The following RBFOX1 variants were observed in gnomAD, a reference collection of about 807,000 sequenced individuals.
RBFOX1 encodes the protein RNA binding protein fox-1 homolog 1.
RBFOX1 carries 8 observed loss-of-function variants against 57.7 expected under a neutral mutation model. The ratio of observed to expected loss-of-function variants is 0.14; its 90% confidence interval spans 0.08 to 0.25. The LOEUF is 0.25. RBFOX1 is among the 10% of genes least tolerant of loss of function. RBFOX1 has a pLI of 1.00. For synonymous variants in RBFOX1, 326 were observed against 222.4 expected, an observed-to-expected ratio of 1.47 and a Z score of -4.15; for missense variants, 611 against 548.5, an observed-to-expected ratio of 1.11 and a Z score of -1.14.
At chr16:7,681,918 G>A (rs1461231651) in intron 14 of RBFOX1, among the ~76,000 whole-genome samples, 1 of 152,122 alleles carries the variant, frequency 6.6e-6, no homozygotes, top group Non-Finnish European at 1.5e-5. Flanking sequence ...TCTTTGTGAT[G>A]TGTGGCAAGG....
At chr16:5,862,490 A>T (rs561895451) in intron 3 of RBFOX1, among the ~76,000 whole-genome samples, 1 of 152,216 alleles carries the variant, frequency 6.6e-6, no homozygotes, top group South Asian at 2.1e-4. Context: ...ACCTGCATCA[A>T]TCAGTGAGAG....
intron 3 of RBFOX1, among the ~76,000 whole-genome samples, chr16:6,989,005 C>T (rs56250811): frequency 0.039 from 5,858 of 152,060 alleles, 391 homozygotes; most frequent in African/African-American, 0.13. Context: ...TGAGGTGATC[C>T]ACCCCCCTCG....
At chr16:5,633,636 G>A (rs2151310322) in intron 3 of RBFOX1, among the ~76,000 whole-genome samples, 1 of 152,252 alleles carries the variant, frequency 6.6e-6, no homozygotes, top group South Asian at 2.1e-4. Flanking sequence ...CACTTTGGGA[G>A]GTCGAGGTGG....
intron 3 of RBFOX1, among the ~76,000 whole-genome samples, chr16:5,852,871 C>A (rs1769475922): frequency 6.6e-6 from 1 of 152,062 alleles, no homozygotes. Flanking sequence ...TGGAGGATCA[C>A]CTTTCCCCTG....
intron 1 of RBFOX1, among the ~76,000 whole-genome samples, chr16:5,282,428 G>A (rs12103395): frequency 0.13 from 20,507 of 152,222 alleles, 1,447 homozygotes; most frequent in Middle Eastern, 0.19. Flanking sequence ...GCAGAGGTTG[G>A]AACAGTTTGG....
intron 4 of RBFOX1, among the ~76,000 whole-genome samples, chr16:7,482,295 CTG>C (rs2064166693): frequency 6.6e-6 from 1 of 152,184 alleles, no homozygotes; most frequent in South Asian, 2.1e-4. Context: ...CGCAGTAACT[CTG>C]TGAAGTGCTT....
At chr16:6,215,343 A>G (rs562320186) in intron 1 of RBFOX1, among the ~76,000 whole-genome samples, 49 of 141,678 alleles carry the variant, frequency 3.5e-4, no homozygotes, top group Non-Finnish European at 5.4e-4. Flanking sequence ...GGGGAGAAGG[A>G]AAGGGAGAGG....
At chr16:5,508,349 C>A (rs2043450165) in intron 2 of RBFOX1, among the ~76,000 whole-genome samples, 1 of 152,168 alleles carries the variant, frequency 6.6e-6, no homozygotes, top group Admixed American at 6.5e-5. Context: ...ACCTGCATCT[C>A]CCCACTCCAA....
At chr16:6,042,300 C>T (rs142323748) in intron 1 of RBFOX1, among the ~76,000 whole-genome samples, 273 of 152,008 alleles carry the variant, frequency 1.8e-3, no homozygotes, top group African/African-American at 6.2e-3. Context: ...AGGGTTTCAC[C>T]GTGTTGGCCA....
intron 3 of RBFOX1, among the ~76,000 whole-genome samples, chr16:6,705,852 T>C (rs1409479571): frequency 2.6e-5 from 4 of 152,020 alleles, no homozygotes; most frequent in African/African-American, 9.7e-5. Context: ...ACCCTGTCTT[T>C]ACTAAAAATA....
intron 4 of RBFOX1, among the ~76,000 whole-genome samples, chr16:7,065,498 G>T (rs1051642659): frequency 6.6e-6 from 1 of 152,086 alleles, no homozygotes; most frequent in Non-Finnish European, 1.5e-5. Flanking sequence ...TATCTAAGAC[G>T]CTGACCCTTT....
intron 14 of RBFOX1, among the ~76,000 whole-genome samples, chr16:7,684,161 TA>T (rs2075545775): frequency 6.6e-6 from 1 of 152,154 alleles, no homozygotes; most frequent in Non-Finnish European, 1.5e-5. Flanking sequence ...GCCTCTAATT[TA>T]TTTCCACTTT....
chr16:6,483,224 C>A (rs994638073), intron 2 of RBFOX1: 1 of 1,224,428 alleles, frequency 8.2e-7, no homozygotes, highest in Admixed American at 4.7e-5. Context: ...AAGCCGGACC[C>A]GGGCCCTGGC....
At chr16:7,709,580 C>T in intron 15 of RBFOX1, 10 of 1,529,950 alleles carry the variant, frequency 6.5e-6, no homozygotes, top group Non-Finnish European at 8.8e-6. Flanking sequence ...GAGAATCTGA[C>T]TGCCTCTCCT....
intron 3 of RBFOX1, among the ~76,000 whole-genome samples, chr16:5,848,728 C>G (rs1193471571): frequency 6.6e-6 from 1 of 152,062 alleles, no homozygotes; most frequent in African/African-American, 2.4e-5. Context: ...GGGTGGATCA[C>G]CTGAGGTCAG....
intron 4 of RBFOX1, among the ~76,000 whole-genome samples, chr16:7,191,652 C>T (rs977545713): frequency 6.6e-6 from 1 of 152,192 alleles, no homozygotes; most frequent in Non-Finnish European, 1.5e-5. Context: ...CATATCATTA[C>T]AGTGCGTGTT....
chr16:5,910,656 C>T (rs1399222489), intron 4 of RBFOX1, among the ~76,000 whole-genome samples: 1 of 152,184 alleles, frequency 6.6e-6, no homozygotes, highest in East Asian at 1.9e-4. Flanking sequence ...GTGAGGGTTT[C>T]TCAGCCTTTG....
At chr16:6,186,385 A>T (rs2097105293) in intron 1 of RBFOX1, among the ~76,000 whole-genome samples, 1 of 152,208 alleles carries the variant, frequency 6.6e-6, no homozygotes, top group Admixed American at 6.5e-5. Flanking sequence ...GATCATCTGC[A>T]TATGGGGAAT....
At chr16:6,885,143 T>A (rs537057352) in intron 3 of RBFOX1, among the ~76,000 whole-genome samples, 7 of 152,334 alleles carry the variant, frequency 4.6e-5, no homozygotes, top group African/African-American at 1.7e-4. Flanking sequence ...AAGCTCTGAC[T>A]GGACCGCCTC....
Sources: allele counts gnomAD v4.1 joint callset (sites outside exome capture counted in the v4.1 genomes callset), GRCh38; gene constraint gnomAD v4.1.1; transcripts MANE v1.5; gene names NCBI Gene and HGNC (gene_info 2026-07-23, HGNC 2026-07-21).